Variants in DSCAM observed in about 807,000 individuals in gnomAD.
DSCAM encodes cell adhesion molecule DSCAM.
A neutral mutation model predicts 217.7 loss-of-function variants in DSCAM; 47 were observed. The ratio of observed to expected loss-of-function variants is 0.22; its 90% CI spans 0.17 to 0.28. The LOEUF (loss-of-function observed/expected upper bound fraction) is 0.28, where lower values mean the gene tolerates loss of function less well. Ranked by LOEUF, DSCAM falls within the 10% of genes least tolerant of loss-of-function variation. The pLI, the probability that DSCAM is intolerant of heterozygous loss-of-function variation, is 1.00. For synonymous variants in DSCAM, 1,056 were observed against 1,015.3 expected (o/e 1.04, Z -0.76); for missense variants, 2,080 against 2,618.3 (o/e 0.79, Z 4.49).
intron 6 of DSCAM, among the ~76,000 whole-genome samples, chr21:40,344,651 T>A (rs1238137026): frequency 6.6e-6 from 1 of 152,206 alleles, no homozygotes; most frequent in Non-Finnish European, 1.5e-5. Flanking sequence ...TTGTTATTGA[T>A]GTCCTCATTA....
intron 3 of DSCAM, among the ~76,000 whole-genome samples, chr21:40,391,580 G>C (rs1474361575): frequency 2.0e-5 from 3 of 152,102 alleles, no homozygotes; most frequent in African/African-American, 7.2e-5. Flanking sequence ...TTCTCTCCAG[G>C]GTTGTTCATA....
rs966965867 is a variant in DSCAM, at chr21:40,681,643, A to G, written c.508+11167T>C. ...ATAGTGGGTTAAATAGCTTCCCCCA[A>G]AAATGTCCTTTCTGGAGCCTCAGAA... is the stretch of plus-strand genomic sequence containing the variant. On this transcript the variant is annotated intron_variant, in intron 3 of 32. Coordinates refer to ENST00000400454, the MANE Select transcript of DSCAM (RefSeq NM_001389.5). Among the ~76,000 whole-genome samples the G allele has an allele frequency of 7.9e-5, 12 of 152,296 alleles. No homozygotes were observed. In the East Asian group the frequency reaches 2.3e-3, roughly 29 times the overall value.
At chr21:40,020,430 G>T (rs2088242855) in intron 32 of DSCAM, among the ~76,000 whole-genome samples, 1 of 152,062 alleles carries the variant, frequency 6.6e-6, no homozygotes, top group Admixed American at 6.6e-5. Context: ...TAGAAAAGGG[G>T]TAAAAACATG....
chr21:40,129,073 T>A (rs1246954357), intron 19 of DSCAM, among the ~76,000 whole-genome samples: 2 of 152,200 alleles, frequency 1.3e-5, no homozygotes, highest in Non-Finnish European at 1.5e-5. Flanking sequence ...CAGCTTCATT[T>A]TTTTTCACCA....
At chr21:40,374,187 T>C (rs538963754) in intron 3 of DSCAM, among the ~76,000 whole-genome samples, 1 of 152,348 alleles carries the variant, frequency 6.6e-6, no homozygotes, top group South Asian at 2.1e-4. Context: ...CCAATAAATG[T>C]ATATAACTTT....
At chr21:40,749,562 C>A (rs1031595803) in intron 1 of DSCAM, among the ~76,000 whole-genome samples, 32 of 152,026 alleles carry the variant, frequency 2.1e-4, no homozygotes, top group African/African-American at 7.7e-4. Flanking sequence ...CAAAAACACA[C>A]AAAAAATTTA....
At chr21:40,638,088 C>T (rs1393338590) in intron 3 of DSCAM, among the ~76,000 whole-genome samples, 6 of 152,104 alleles carry the variant, frequency 3.9e-5, no homozygotes, top group Non-Finnish European at 7.3e-5. Context: ...AGAACTTAGT[C>T]TTTCTTAGGT....
intron 15 of DSCAM, among the ~76,000 whole-genome samples, chr21:40,169,571 G>A (rs1261635849): frequency 6.6e-6 from 1 of 152,126 alleles, no homozygotes; most frequent in Non-Finnish European, 1.5e-5. Flanking sequence ...CAGGGCTGGC[G>A]GGACTGGGAG....
chr21:40,520,714 G>A (rs1425342701), intron 3 of DSCAM, among the ~76,000 whole-genome samples: 1 of 152,176 alleles, frequency 6.6e-6, no homozygotes, highest in Non-Finnish European at 1.5e-5. Context: ...GGCTGAGGCA[G>A]GAGAATCGCT....
intron 20 of DSCAM, among the ~76,000 whole-genome samples, chr21:40,105,768 A>C (rs562774827): frequency 6.6e-6 from 1 of 152,336 alleles, no homozygotes; most frequent in African/African-American, 2.4e-5. Flanking sequence ...CTTCCCTTCC[A>C]CTTTCTTAAA....
chr21:40,459,987 T>TGG (rs953778516), intron 3 of DSCAM, among the ~76,000 whole-genome samples: 2 of 152,262 alleles, frequency 1.3e-5, no homozygotes, highest in African/African-American at 4.8e-5. Flanking sequence ...GGGACACAGA[T>TGG]GGAACTGGAA....
chr21:40,753,148 G>C (rs898315362), intron 1 of DSCAM, among the ~76,000 whole-genome samples: 1 of 152,162 alleles, frequency 6.6e-6, no homozygotes, highest in Middle Eastern at 3.2e-3. Context: ...GGTACTTGAT[G>C]AACATACTAT....
intron 20 of DSCAM, among the ~76,000 whole-genome samples, chr21:40,107,256 T>A (rs930370355): frequency 6.6e-6 from 1 of 152,184 alleles, no homozygotes; most frequent in Admixed American, 6.5e-5. Flanking sequence ...GAGCAGGTCA[T>A]TCAATTTCCA....
chr21:40,698,882 A>AAAC (rs1568990962), intron 2 of DSCAM, among the ~76,000 whole-genome samples: 2 of 150,484 alleles, frequency 1.3e-5, no homozygotes, highest in African/African-American at 4.9e-5. Context: ...AAAAAAAAAA[A>AAAC]AAAAAAAAAA....
chr21:40,590,499 G>A (rs59315455), intron 3 of DSCAM, among the ~76,000 whole-genome samples: 7,319 of 152,272 alleles, frequency 0.048, 514 homozygotes, highest in African/African-American at 0.15. Context: ...AAAATGTGGG[G>A]AAACAGCTCT....
chr21:40,193,493 G>C (rs1429501054), intron 11 of DSCAM, among the ~76,000 whole-genome samples: 1 of 152,176 alleles, frequency 6.6e-6, no homozygotes, highest in African/African-American at 2.4e-5. Flanking sequence ...CACGACTGGG[G>C]AATGTGAATC....
chr21:40,372,165 A>G (rs553651143), intron 3 of DSCAM, among the ~76,000 whole-genome samples: 2 of 152,306 alleles, frequency 1.3e-5, no homozygotes, highest in South Asian at 4.1e-4. Context: ...GTAACAAGGA[A>G]TCATTTTAAC....
chr21:40,498,705 ATATATGGGTGTATATATATATGGG>A (rs2076143684), intron 3 of DSCAM, among the ~76,000 whole-genome samples: 2 of 9,966 alleles, frequency 2.0e-4, no homozygotes, highest in African/African-American at 8.3e-4. Flanking sequence ...ATAGATATAT[ATATATGGGTGTATATATATATGGG>A]TGTGTGTATA....
At position 40,144,850 on chromosome 21, in the gene DSCAM, G is replaced by A; in HGVS notation, c.3019-119C>T. On this transcript the variant is annotated intron_variant, in intron 16 of 32. Transcript: ENST00000400454. The surrounding 1 kb of genome is among the most constrained non-coding windows in gnomAD (Gnocchi z 4.8). ...GTGGAGTCATCGCCACGATGCTGGG[G>A]CGGTGGTCCGGTAGCAGCCGCAAAC... 6.9e-7 allele frequency: 1 copy of A among 1,440,352 alleles called. No homozygotes were observed. The highest frequency in any genetic ancestry group is 9.4e-7 in the Non-Finnish European group (1 of 1,067,306). 89.2% of individuals were successfully genotyped at this position (1,440,352 alleles called of 1,614,324 possible).
Sources: allele counts gnomAD v4.1 joint callset (sites outside exome capture counted in the v4.1 genomes callset), GRCh38; gene constraint gnomAD v4.1.1; non-coding constraint Gnocchi (gnomAD v3.1); transcripts MANE v1.5; gene names NCBI Gene and HGNC (gene_info 2026-07-23, HGNC 2026-07-21).